Variants in TMEM94 observed in about 807,000 individuals in gnomAD.
TMEM94 encodes the protein ER Mg2+ ATPase.
A neutral mutation model predicts 158.6 loss-of-function variants in TMEM94; 81 were observed. That is an observed-to-expected ratio of 0.51 (90% CI 0.43 to 0.61). The LOEUF (loss-of-function observed/expected upper bound fraction) is 0.61. TMEM94 is among the 20% of genes least tolerant of loss of function. The pLI is 0.00. For missense variants in TMEM94, 1,435 were observed against 1,762.0 expected (o/e 0.81, Z 3.32); for synonymous variants, 751 against 730.7 (o/e 1.03, Z -0.45).
chr17:75,477,668 A>G (rs2050780614), intron 2 of TMEM94, among the ~76,000 whole-genome samples: 1 of 152,162 alleles, frequency 6.6e-6, no homozygotes, highest in East Asian at 1.9e-4. Flanking sequence ...CAGCTGGAGT[A>G]GGAAGGAGAG....
chr17:75,465,432 A>G (rs1014632325), intron 1 of TMEM94, among the ~76,000 whole-genome samples: 1 of 150,344 alleles, frequency 6.7e-6, no homozygotes, highest in Non-Finnish European at 1.5e-5. Flanking sequence ...CCTGTTTATT[A>G]TTTATTTATT....
At position 75,499,478 on chromosome 17, in the gene TMEM94, C is replaced by T. The variant is rs2053099412; in HGVS notation, c.*144C>T. The T allele has an allele frequency of 5.3e-6, 4 of 748,630 alleles. No homozygotes were observed. The highest frequency in any genetic ancestry group is 8.8e-6 in the Non-Finnish European group (4 of 452,988). 46.4% of individuals were successfully genotyped at this position (748,630 alleles called of 1,614,324 possible). ...GGAAACCCAGCTCCCCGTGTCAGAC[C>T]CCGCTGTCTTCCTGAGCCCTGGGGC... On this transcript the variant is annotated 3_prime_UTR_variant, in exon 32 of 32. Coordinates refer to ENST00000314256, the MANE Select transcript of TMEM94 (RefSeq NM_014738.6).
At chr17:75,466,262 A>AGT (rs1013121170) in intron 1 of TMEM94, among the ~76,000 whole-genome samples, 3 of 152,124 alleles carry the variant, frequency 2.0e-5, no homozygotes, top group African/African-American at 4.8e-5. Flanking sequence ...TATGGTATGA[A>AGT]GTAAGGGTCA....
chr17:75,496,165 A>G, intron 23 of TMEM94, 91 bp downstream of exon 23: 6 of 1,528,310 alleles, frequency 3.9e-6, no homozygotes, highest in South Asian at 3.4e-5. Flanking sequence ...GGTGTGTACT[A>G]TAGCCGACCT....
rs1439461081 is a variant in TMEM94 at position 75,489,612 on chromosome 17, T to C, written c.904T>C (p.Phe302Leu). 3.1e-6 allele frequency: 5 copies of C among 1,613,956 alleles called. No individual in the cohort carries two copies. Among genetic ancestry groups the C allele is most frequent in the Non-Finnish European group, 4.2e-6 (5 of 1,180,018 alleles). The change falls in exon 9 of 32, where the codon TTC (phenylalanine) becomes CTC (leucine). Residue 302 changes from phenylalanine to leucine, a missense_variant. Physicochemically the swap from Phe to Leu is conservative, Grantham distance 22. Transcript: ENST00000314256. The surrounding 1 kb of genome is among the most constrained non-coding windows in gnomAD (Gnocchi z 5.0). ...CATCACCAATGCCCTGCGCTTCATCTTCAGTGCCCCGGGGGTCACTTCCTG... is the reference window on the plus strand; with the variant it reads ...CATCACCAATGCCCTGCGCTTCATCCTCAGTGCCCCGGGGGTCACTTCCTG... ...FLITNALRFI[F>L]SAPGVTSWQY...
chr17:75,489,513 CGGCAGTGCCT>C lies in TMEM94; in HGVS notation c.868-60_868-51del. On this transcript the variant is annotated intron_variant, in intron 8 of 31. Coordinates refer to ENST00000314256, the MANE Select transcript of TMEM94 (RefSeq NM_014738.6). The surrounding 1 kb of genome is among the most constrained non-coding windows in gnomAD (Gnocchi z 5.0). ...CTGTGGAGTAGCAAAGGAAGGGGAA[CGGCAGTGCCT>C]GGGTCCCTCTAGAGGGGCGGGGTCA... is the stretch of plus-strand genomic sequence containing the variant. The C allele has an allele frequency of 6.6e-7, 1 of 1,520,650 alleles. No individual in the cohort carries two copies. The allele number at this position is 1,520,650 out of a possible 1,614,324, so 94.2% of individuals were successfully genotyped here.
Position 75,497,806 on chromosome 17 carries a change from C to T in TMEM94, c.3433C>T (p.His1145Tyr). The T allele has an allele frequency of 6.2e-7, 1 of 1,613,988 alleles. No individual in the cohort carries two copies. The highest frequency in any genetic ancestry group is 1.7e-5 in the Admixed American group (1 of 60,022). Residue 1145 changes from histidine to tyrosine, a missense_variant, in exon 27 of 32, where the codon CAT becomes TAT. His to Tyr is a moderately conservative substitution (Grantham distance 83). Transcript: ENST00000314256. The part of the protein sequence containing the change: ...LSISLLGKPP[H>Y]SSIMSMATGK... ...CATCTCTCTGCTGGGGAAGCCCCCC[C>T]ATAGCTCCATCATGTCTATGGCAAC...
intron 2 of TMEM94, among the ~76,000 whole-genome samples, chr17:75,480,095 A>G (rs1418092469): frequency 2.4e-5 from 3 of 124,872 alleles, no homozygotes; most frequent in Admixed American, 1.5e-4. Flanking sequence ...GTCTCAAAGG[A>G]AAAAAAAAAA....
intron 1 of TMEM94, among the ~76,000 whole-genome samples, chr17:75,458,822 C>A (rs1244864972): frequency 6.6e-6 from 1 of 152,050 alleles, no homozygotes; most frequent in Non-Finnish European, 1.5e-5. Context: ...CTTTGGGAGG[C>A]AGAGGCAGGC....
intron 18 of TMEM94, 138 bp downstream of exon 18, chr17:75,494,054 C>A: frequency 2.5e-6 from 2 of 793,702 alleles, no homozygotes; most frequent in South Asian, 1.8e-5. Flanking sequence ...CAGGCTGGGA[C>A]GCCAGTGTGG....
chr17:75,491,859 T>C lies in TMEM94; in HGVS notation c.1555T>C (p.Phe519Leu). The C allele has an allele frequency of 6.2e-7, 1 of 1,613,870 alleles. No homozygotes were observed. Among genetic ancestry groups the C allele is most frequent in the Non-Finnish European group, 8.5e-7 (1 of 1,179,958 alleles). ...SKHPSGSNVSFSRDTEGGEEE... is the reference protein window; with the variant it reads ...SKHPSGSNVSLSRDTEGGEEE... Reference sequence around the variant, plus strand: ...ACACCCATCTGGCTCCAACGTGAGCTTCAGCAGGGACACCGAGGGTGGTGA... The same window carrying C: ...ACACCCATCTGGCTCCAACGTGAGCCTCAGCAGGGACACCGAGGGTGGTGA... The change falls in exon 14 of 32, where the codon TTC (phenylalanine) becomes CTC (leucine). Residue 519 changes from phenylalanine (F) to leucine (L), a missense_variant. Coordinates refer to ENST00000314256, the MANE Select transcript of TMEM94 (RefSeq NM_014738.6). This position sits in a 1 kb window ranked among gnomAD's most constrained non-coding sequence, Gnocchi z 5.1.
chr17:75,491,016 A>C lies in TMEM94; in HGVS notation c.1129-33A>C. On this transcript the variant is annotated intron_variant, in intron 11 of 31. Coordinates refer to ENST00000314256, the MANE Select transcript of TMEM94 (RefSeq NM_014738.6). This position sits in a 1 kb window ranked among gnomAD's most constrained non-coding sequence, Gnocchi z 5.1. ...CTCCAGGGAAATGAGGCTGAGCCCT[A>C]AATGGCCTTGCAGACTTCCTCTCTC... 6.5e-7 allele frequency: 1 copy of C among 1,527,724 alleles called. No homozygotes were observed. The highest frequency in any genetic ancestry group is 9.0e-7 in the Non-Finnish European group (1 of 1,114,688). The allele number at this position is 1,527,724 out of a possible 1,614,324, so 94.6% of individuals were successfully genotyped here. A position where few individuals can be genotyped will look rare whatever the true frequency, so the allele number is the denominator to read the frequency against.
At position 75,497,145 on chromosome 17, in the gene TMEM94, C is replaced by A. The variant is rs2052775678; in HGVS notation, c.3354C>A (p.Leu1118=). The change falls in exon 26 of 32, where the codon CTC becomes CTA. Residue 1118 remains leucine (L), a synonymous_variant. Transcript: ENST00000314256. ...FLSCLVQLPP[L]LSTTDILWLS... ...CTTGCCTGGTCCAGCTGCCGCCACTCCTGAGTACCACCGACATCCTGTGGC... is the reference window on the plus strand; with the variant it reads ...CTTGCCTGGTCCAGCTGCCGCCACTACTGAGTACCACCGACATCCTGTGGC... The A allele has an allele frequency of 1.9e-6, 3 of 1,614,066 alleles. No homozygotes were observed. Among genetic ancestry groups the A allele is most frequent in the Non-Finnish European group, 2.5e-6 (3 of 1,180,008 alleles).
At chr17:75,460,954 C>G (rs1200083986) in intron 1 of TMEM94, among the ~76,000 whole-genome samples, 1 of 152,076 alleles carries the variant, frequency 6.6e-6, no homozygotes, top group Non-Finnish European at 1.5e-5. Flanking sequence ...AACTCTGTCA[C>G]CATTAAACAT....
intron 1 of TMEM94, among the ~76,000 whole-genome samples, chr17:75,466,910 T>C (rs2050325122): frequency 6.6e-6 from 1 of 152,048 alleles, no homozygotes; most frequent in Admixed American, 6.6e-5. Flanking sequence ...TTTATTTAAG[T>C]CTTCTTTAAT....
intron 16 of TMEM94, 148 bp from the exon 17 acceptor site, chr17:75,493,343 C>A: frequency 1.1e-6 from 1 of 881,414 alleles, no homozygotes; most frequent in South Asian, 1.6e-5. Flanking sequence ...AGTGGCATTG[C>A]AGAGCCTTGC....
chr17:75,486,500 C>CA, intron 5 of TMEM94, 74 bp downstream of exon 5: 1 of 1,578,768 alleles, frequency 6.3e-7, no homozygotes, highest in Non-Finnish European at 8.7e-7. Flanking sequence ...TCCCCTCCTG[C>CA]ACCCCAGCAC....
rs1202228342 is a variant in TMEM94, at chr17:75,498,214, A to AGCCTCACCATCAGCTCCT, written c.3536_3553dup (p.Thr1179_Leu1184dup). The stretch of plus-strand genomic sequence containing the variant: ...CCTGCTCTGCTTCCTGCTCAAGTTC[A>AGCCTCACCATCAGCTCCT]GCCTCACCATCAGCTCCTGCCTCAT... On this transcript the variant is annotated inframe_insertion, in exon 28 of 32. Transcript: ENST00000314256. This position sits in a 1 kb window ranked among gnomAD's most constrained non-coding sequence, Gnocchi z 6.7. 2 of 1,613,838 alleles carry AGCCTCACCATCAGCTCCT rather than the reference A, an allele frequency of 1.2e-6. No individual in the cohort carries two copies. The highest frequency in any genetic ancestry group is 2.7e-5 in the African/African-American group (2 of 74,906).
In TMEM94 at chr17:75,499,684, TG is replaced by T; in HGVS notation, c.*351del. On this transcript the variant is annotated 3_prime_UTR_variant, in exon 32 of 32. Transcript: ENST00000314256. ...CCCTTGGAGATCCCTTGCCCCCCAG[TG>T]CCTCTGCTCGTGGGTCCCTGGACAC... is the stretch of plus-strand genomic sequence containing the variant. The T allele has an allele frequency of 4.0e-6, 1 of 251,340 alleles. No individual in the cohort carries two copies. The highest frequency in any genetic ancestry group is 6.1e-5 in the South Asian group (1 of 16,348). 15.6% of individuals were successfully genotyped at this position (251,340 alleles called of 1,614,324 possible).
Sources: gnomAD v4.1 joint callset for allele counts (sites outside exome capture counted in the v4.1 genomes callset) on GRCh38, gnomAD v4.1.1 for gene constraint, Gnocchi (gnomAD v3.1) non-coding constraint, MANE v1.5 for transcripts, NCBI Gene and HGNC (gene_info 2026-07-23, HGNC 2026-07-21) for gene names.